The following PHACTR4 variants were observed in gnomAD, a reference collection of about 807,000 sequenced individuals.
PHACTR4 encodes phosphatase and actin regulator 4.
In PHACTR4, 51 loss-of-function variants were observed where a neutral mutation model predicts 72.7. The observed-to-expected ratio is 0.70, with a 90% CI of 0.56 to 0.89. The LOEUF (loss-of-function observed/expected upper bound fraction) is 0.89, where lower values mean the gene tolerates loss of function less well. PHACTR4 is among the 40% of genes least tolerant of loss of function. The pLI is 0.00. For synonymous variants in PHACTR4, 255 were observed against 302.5 expected, an observed-to-expected ratio of 0.84 and a Z score of 1.63; for missense variants, 731 against 861.8, an observed-to-expected ratio of 0.85 and a Z score of 1.90.
Position 28,459,111 on chromosome 1 carries a change from C to A in PHACTR4, c.43C>A (p.Pro15Thr). The change falls in exon 3 of 14, where the codon CCA (proline) becomes ACA (threonine). Residue 15 changes from proline to threonine, a missense_variant. By Grantham distance (38) the Pro-to-Thr change is conservative. Coordinates refer to ENST00000373839, the MANE Select transcript of PHACTR4 (RefSeq NM_001048183.3). Reference sequence around the variant, plus strand: ...GGAAGCAGACCAGCCCACTACAGAGCCAGGCATGGTCCTGGACAGTGTGGA... The same window carrying A: ...GGAAGCAGACCAGCCCACTACAGAGACAGGCATGGTCCTGGACAGTGTGGA... ...FEEADQPTTE[P>T]GMVLDSVEAG... is the part of the protein sequence containing the mutation. 1.2e-6 allele frequency: 2 copies of A among 1,612,784 alleles called. No individual in the cohort carries two copies. The highest frequency in any genetic ancestry group is 1.7e-6 in the Non-Finnish European group (2 of 1,179,418).
intron 13 of PHACTR4, among the ~76,000 whole-genome samples, chr1:28,494,489 A>C (rs1262063413): frequency 6.6e-6 from 1 of 152,192 alleles, no homozygotes; most frequent in Non-Finnish European, 1.5e-5. Context: ...CCCTGTCTCT[A>C]CTAAAAATAC....
chr1:28,406,652 AG>A (rs1654346390), intron 1 of PHACTR4, among the ~76,000 whole-genome samples: 1 of 152,178 alleles, frequency 6.6e-6, no homozygotes, highest in Non-Finnish European at 1.5e-5. Context: ...ACTTATAAAA[AG>A]CAGGCTCTGA....
At chr1:28,460,683 CT>C (rs35115873) in intron 4 of PHACTR4, among the ~76,000 whole-genome samples, 2 of 152,080 alleles carry the variant, frequency 1.3e-5, no homozygotes, top group African/African-American at 4.8e-5. Flanking sequence ...TAACTTTTGA[CT>C]TTTTAGTAGA....
intron 1 of PHACTR4, among the ~76,000 whole-genome samples, chr1:28,403,587 A>G (rs2124263687): frequency 6.6e-6 from 1 of 152,300 alleles, no homozygotes; most frequent in African/African-American, 2.4e-5. Context: ...GATATAATTC[A>G]TTATTGTAAA....
intron 5 of PHACTR4, 121 bp from the exon 6 acceptor site, chr1:28,466,261 C>T (rs1225722548): frequency 4.4e-6 from 5 of 1,146,804 alleles, no homozygotes; most frequent in Admixed American, 2.3e-5. Flanking sequence ...AGAATGGTAA[C>T]CTATAAGCTA....
intron 2 of PHACTR4, among the ~76,000 whole-genome samples, chr1:28,412,393 G>A (rs1389501872): frequency 6.6e-6 from 1 of 152,062 alleles, no homozygotes; most frequent in African/African-American, 2.4e-5. Flanking sequence ...ATCATACTTA[G>A]TATACAAATG....
At position 28,445,326 on chromosome 1, in the gene PHACTR4, C is replaced by T. The variant is rs1222139230; in HGVS notation, c.17-13759C>T. Among the ~76,000 whole-genome samples, 3 of 152,036 alleles carry T rather than the reference C, an allele frequency of 2.0e-5. No homozygotes were observed. In the South Asian group the frequency reaches 6.2e-4, roughly 31 times the overall value. On this transcript the variant is annotated intron_variant, in intron 2 of 13. Coordinates refer to ENST00000373839, the MANE Select transcript of PHACTR4 (RefSeq NM_001048183.3). The stretch of plus-strand genomic sequence containing the variant: ...CTGGTCTTGAACTCCTGGGCTCATG[C>T]GATCCTCCCACTTTGGCCTCCCAAA...
chr1:28,475,647 TGTTAAA>T (rs1410808945), intron 7 of PHACTR4, among the ~76,000 whole-genome samples: 2 of 152,102 alleles, frequency 1.3e-5, no homozygotes, highest in African/African-American at 4.8e-5. Flanking sequence ...TTAGTAAGAT[TGTTAAA>T]GTTAAGGGAG....
At chr1:28,414,544 A>AT (rs1208628237) in intron 2 of PHACTR4, among the ~76,000 whole-genome samples, 2 of 150,776 alleles carry the variant, frequency 1.3e-5, no homozygotes, top group East Asian at 2.0e-4. Flanking sequence ...TGCCTGACTA[A>AT]TTTTTTTACT....
At chr1:28,371,397 C>T (rs943053089) in intron 1 of PHACTR4, among the ~76,000 whole-genome samples, 3 of 152,094 alleles carry the variant, frequency 2.0e-5, no homozygotes, top group African/African-American at 7.2e-5. Flanking sequence ...CAGGTTGAAG[C>T]GATTCTCCTG....
In PHACTR4 at chr1:28,480,513, A is replaced by C; in HGVS notation, c.1669A>C (p.Ser557Arg). ...GGCAATGAAGTTGAACCACAGACCC[A>C]GTGAACCAGAGTTGAACCTGAATTC... ...TLAMKLNHRP[S>R]EPELNLNSWP... is the part of the protein sequence containing the mutation. Residue 557 changes from serine (S) to arginine (R), a missense_variant, in exon 9 of 14, where the codon AGT (serine) becomes CGT (arginine). This residue lies in a region of PHACTR4 where 621 missense variants were observed against 676.6 expected (regional missense o/e 0.92). Coordinates refer to ENST00000373839, the MANE Select transcript of PHACTR4 (RefSeq NM_001048183.3). The C allele has an allele frequency of 1.2e-6, 2 of 1,614,220 alleles. No homozygotes were observed. Among genetic ancestry groups the C allele is most frequent in the Non-Finnish European group, 1.7e-6 (2 of 1,180,042 alleles).
intron 6 of PHACTR4, among the ~76,000 whole-genome samples, chr1:28,469,185 T>C (rs755762552): frequency 6.6e-6 from 1 of 152,208 alleles, no homozygotes; most frequent in African/African-American, 2.4e-5. Context: ...ATTATGATCA[T>C]AAATGGTTTA....
At chr1:28,484,641 ACT>A (rs1347036449) in intron 9 of PHACTR4, among the ~76,000 whole-genome samples, 3 of 150,206 alleles carry the variant, frequency 2.0e-5, no homozygotes, top group Non-Finnish European at 4.4e-5. Flanking sequence ...GGCCATATAA[ACT>A]CTCTCTTTTT....
chr1:28,391,817 G>A (rs1557782413), intron 1 of PHACTR4, among the ~76,000 whole-genome samples: 5 of 151,836 alleles, frequency 3.3e-5, no homozygotes, highest in Admixed American at 2.0e-4. Flanking sequence ...ATGTTGGTCA[G>A]GCTGATCTCA....
intron 1 of PHACTR4, among the ~76,000 whole-genome samples, chr1:28,381,596 C>A (rs958980648): frequency 6.6e-6 from 1 of 152,038 alleles, no homozygotes; most frequent in African/African-American, 2.4e-5. Flanking sequence ...CTGCGCCTGG[C>A]CTGGCCTATT....
chr1:28,481,073 C>T (rs1036513777), intron 9 of PHACTR4, among the ~76,000 whole-genome samples: 2 of 151,868 alleles, frequency 1.3e-5, no homozygotes, highest in Admixed American at 6.6e-5. Flanking sequence ...GATCTGTCAC[C>T]CAGGCTGGAG....
chr1:28,430,275 C>T (rs1656163734), intron 2 of PHACTR4, among the ~76,000 whole-genome samples: 1 of 152,296 alleles, frequency 6.6e-6, no homozygotes, highest in African/African-American at 2.4e-5. Flanking sequence ...CTGTCCGCCT[C>T]GGCCTCCCAA....
At chr1:28,387,402 C>G (rs946642289) in intron 1 of PHACTR4, among the ~76,000 whole-genome samples, 1 of 151,996 alleles carries the variant, frequency 6.6e-6, no homozygotes, top group African/African-American at 2.4e-5. Flanking sequence ...TGGATTAATC[C>G]CTGTTAAAAA....
chr1:28,448,526 G>A (rs2124434811), intron 2 of PHACTR4, among the ~76,000 whole-genome samples: 1 of 150,914 alleles, frequency 6.6e-6, no homozygotes, highest in South Asian at 2.1e-4. Flanking sequence ...GCCGAGGAGG[G>A]CGGATCATGA....
Sources: allele counts gnomAD v4.1 joint callset (sites outside exome capture counted in the v4.1 genomes callset), GRCh38; gene constraint gnomAD v4.1.1; regional missense constraint gnomAD v4.1.1; transcripts MANE v1.5; gene names NCBI Gene and HGNC (gene_info 2026-07-23, HGNC 2026-07-21).